ICA1: variants seen among roughly 807,000 people sequenced by gnomAD.
ICA1 encodes the protein islet cell autoantigen 1, also known as 69 kDa islet cell autoantigen.
A neutral mutation model predicts 71.0 loss-of-function variants in ICA1; 40 were observed. The observed-to-expected ratio is 0.56, with a 90% CI of 0.44 to 0.73. ICA1 has a LOEUF of 0.73. Ranked by LOEUF, ICA1 falls within the 30% of genes least tolerant of loss-of-function variation. The pLI, the probability that ICA1 is intolerant of heterozygous loss-of-function variation, is 0.00. For missense variants in ICA1, 578 were observed against 576.5 expected, an observed-to-expected ratio of 1.00 and a Z score of -0.03; for synonymous variants, 207 against 209.5, an observed-to-expected ratio of 0.99 and a Z score of 0.10.
chr7:8,129,729 T>C (rs1435349373), intron 12 of ICA1, among the ~76,000 whole-genome samples: 10 of 152,076 alleles, frequency 6.6e-5, no homozygotes, highest in Admixed American at 6.5e-4. Flanking sequence ...ATACTTTAAG[T>C]TTTAGGGTAA....
chr7:8,114,128 T>C, intron 13 of ICA1, 84 bp from the exon 14 acceptor site: 2 of 1,426,030 alleles, frequency 1.4e-6, no homozygotes, highest in Non-Finnish European at 2.0e-6. Flanking sequence ...GTCCAGGTCA[T>C]CTTCAAATGC....
intron 8 of ICA1, among the ~76,000 whole-genome samples, chr7:8,152,471 A>G (rs796541330): frequency 7.3e-5 from 11 of 151,294 alleles, no homozygotes; most frequent in African/African-American, 2.7e-4. Flanking sequence ...CACCATCGCA[A>G]CAACCACCAC....
chr7:8,129,938 G>A (rs1194629354), intron 12 of ICA1, among the ~76,000 whole-genome samples: 1 of 122,984 alleles, frequency 8.1e-6, no homozygotes, highest in Admixed American at 9.1e-5. Context: ...CCACCTACGA[G>A]ATAGAATATG....
At chr7:8,225,321 T>G (rs999990958) in intron 4 of ICA1, among the ~76,000 whole-genome samples, 1 of 152,220 alleles carries the variant, frequency 6.6e-6, no homozygotes, top group Non-Finnish European at 1.5e-5. Context: ...GGAAATTAAT[T>G]TTATTCTATG....
chr7:8,202,868 C>CCGCA (rs78072935), intron 6 of ICA1, among the ~76,000 whole-genome samples: 115,720 of 151,578 alleles, frequency 0.76, 44,202 homozygotes, highest in South Asian at 0.85. Flanking sequence ...AATAGACACA[C>CCGCA]CGCACGAATG....
At chr7:8,231,445 T>A (rs1247099783) in intron 3 of ICA1, among the ~76,000 whole-genome samples, 3 of 152,226 alleles carry the variant, frequency 2.0e-5, no homozygotes, top group Non-Finnish European at 4.4e-5. Context: ...TAGTCATGTT[T>A]ATAAATATGT....
At chr7:8,248,663 C>G (rs572834203) in intron 1 of ICA1, among the ~76,000 whole-genome samples, 1 of 152,292 alleles carries the variant, frequency 6.6e-6, no homozygotes, top group African/African-American at 2.4e-5. Flanking sequence ...TTGCATTGAG[C>G]TGAGATCATG....
intron 1 of ICA1, among the ~76,000 whole-genome samples, chr7:8,240,412 G>C (rs1409389690): frequency 6.6e-6 from 1 of 152,096 alleles, no homozygotes; most frequent in Non-Finnish European, 1.5e-5. Flanking sequence ...CCCATCTGTA[G>C]GTCATCAACA....
intron 8 of ICA1, among the ~76,000 whole-genome samples, chr7:8,155,849 G>C (rs148270646): frequency 6.6e-6 from 1 of 152,218 alleles, no homozygotes; most frequent in Non-Finnish European, 1.5e-5. Flanking sequence ...TACCAACAAC[G>C]GTAACATTGC....
chr7:8,184,485 G>A (rs993180378), intron 6 of ICA1, among the ~76,000 whole-genome samples: 4 of 152,150 alleles, frequency 2.6e-5, no homozygotes, highest in Non-Finnish European at 4.4e-5. Flanking sequence ...GAAACAGTGC[G>A]GGGGTTGGAG....
chr7:8,125,801 G>T (rs548402201), intron 13 of ICA1, among the ~76,000 whole-genome samples: 17 of 152,336 alleles, frequency 1.1e-4, no homozygotes, highest in Admixed American at 1.1e-3. Flanking sequence ...CAAATGAGAT[G>T]TTGTTGGCCT....
chr7:8,218,569 C>A, intron 5 of ICA1, 66 bp from the exon 6 acceptor site: 1 of 1,327,622 alleles, frequency 7.5e-7, no homozygotes, highest in South Asian at 1.2e-5. Context: ...CCTTGACATT[C>A]TGCCAATCTT....
intron 10 of ICA1, 125 bp from the exon 11 acceptor site, chr7:8,139,172 G>T: frequency 1.4e-6 from 1 of 704,676 alleles, no homozygotes; most frequent in Non-Finnish European, 2.4e-6. Flanking sequence ...TCAGCCAGAA[G>T]CAAGGGTCCT....
At chr7:8,179,153 C>A (rs558737632) in intron 6 of ICA1, among the ~76,000 whole-genome samples, 1 of 152,264 alleles carries the variant, frequency 6.6e-6, no homozygotes, top group African/African-American at 2.4e-5. Flanking sequence ...GCTGTTGTCA[C>A]CCGAGTCTCT....
intron 6 of ICA1, among the ~76,000 whole-genome samples, chr7:8,217,385 C>T (rs1468138122): frequency 6.6e-6 from 1 of 152,210 alleles, no homozygotes; most frequent in Non-Finnish European, 1.5e-5. Context: ...TCCACCTCTA[C>T]ACAGCTAACC....
chr7:8,259,527 A>G (rs945610110), intron 1 of ICA1, among the ~76,000 whole-genome samples: 1 of 152,250 alleles, frequency 6.6e-6, no homozygotes, highest in Admixed American at 6.5e-5. Flanking sequence ...TACGGATAGC[A>G]TATGTTTAGC....
chr7:8,258,423 C>G (rs1360441795), intron 1 of ICA1, among the ~76,000 whole-genome samples: 3 of 152,192 alleles, frequency 2.0e-5, no homozygotes, highest in African/African-American at 7.2e-5. Flanking sequence ...CATTTCCCCA[C>G]CTTTTCATGA....
intron 13 of ICA1, among the ~76,000 whole-genome samples, chr7:8,117,165 T>C (rs574172828): frequency 6.1e-4 from 93 of 152,334 alleles, no homozygotes; most frequent in African/African-American, 2.1e-3. Context: ...ATCTTTGCCA[T>C]GATTGTAAGT....
chr7:8,185,480 T>C (rs1285518829), intron 6 of ICA1, among the ~76,000 whole-genome samples: 1 of 152,216 alleles, frequency 6.6e-6, no homozygotes, highest in Admixed American at 6.5e-5. Flanking sequence ...AACATCAGCA[T>C]CACCTGGGAG....
Sources: allele counts gnomAD v4.1 joint callset (sites outside exome capture counted in the v4.1 genomes callset), GRCh38; gene constraint gnomAD v4.1.1; transcripts MANE v1.5; gene names NCBI Gene and HGNC (gene_info 2026-07-23, HGNC 2026-07-21).